MYO16: variants seen among roughly 807,000 people sequenced by gnomAD.
The protein encoded by MYO16 is myosin XVI, also known as unconventional myosin-XVI.
A neutral mutation model predicts 205.3 loss-of-function variants in MYO16; 94 were observed. That is an observed-to-expected ratio of 0.46 (90% confidence interval 0.39 to 0.54). The LOEUF (loss-of-function observed/expected upper bound fraction) is 0.54. Ranked by LOEUF, MYO16 falls within the 20% of genes least tolerant of loss-of-function variation. The probability of loss-of-function intolerance (pLI) is 0.00; values close to 1 mark genes in which losing one functional copy is unlikely to be tolerated. For synonymous variants in MYO16, 988 were observed against 954.0 expected, an observed-to-expected ratio of 1.04 and a Z score of -0.66; for missense variants, 2,315 against 2,387.5, an observed-to-expected ratio of 0.97 and a Z score of 0.63.
chr13:109,170,712 A>G (rs1156810414), intron 33 of MYO16, among the ~76,000 whole-genome samples: 1 of 152,122 alleles, frequency 6.6e-6, no homozygotes, highest in Non-Finnish European at 1.5e-5. Flanking sequence ...ATATCAAAAC[A>G]TAACCAAAAA....
chr13:108,659,396 C>T (rs1881397029), intron 1 of MYO16: 2 of 430,184 alleles, frequency 4.6e-6, no homozygotes, highest in Non-Finnish European at 9.3e-6. Flanking sequence ...CAGATATTTC[C>T]TGGCTTTCAA....
chr13:108,964,054 G>C lies in MYO16; in HGVS notation c.2228-707G>C, dbSNP rs9521112. 9.5e-3 allele frequency among the ~76,000 whole-genome samples: 1,443 copies of C among 152,226 alleles called. 12 individuals are homozygous for C. The highest frequency in any genetic ancestry group is 0.015 in the Non-Finnish European group (1,041 of 68,024). On this transcript the variant is annotated intron_variant, in intron 19 of 34. Coordinates refer to ENST00000457511, the MANE Select transcript of MYO16 (RefSeq NM_001198950.3). ...TCAACCCGCATTGCACGTGGACCCC[G>C]CCCTGTTCCTAGTCTCCTGCTCTGC...
the MYO16 span, among the ~76,000 whole-genome samples, chr13:108,574,814 C>T: frequency 6.6e-6 from 1 of 151,976 alleles, no homozygotes; most frequent in South Asian, 2.1e-4. Flanking sequence ...TTGTTAATCA[C>T]AACAGGGTCA....
upstream of MYO16, among the ~76,000 whole-genome samples, chr13:108,594,640 C>T (rs539426472): frequency 1.2e-4 from 18 of 152,314 alleles, no homozygotes; most frequent in East Asian, 3.1e-3. Context: ...TGCGGCACTT[C>T]GGTGCTGGAT....
chr13:109,018,604 G>A (rs1013512616), intron 22 of MYO16, among the ~76,000 whole-genome samples: 12 of 152,192 alleles, frequency 7.9e-5, no homozygotes, highest in African/African-American at 2.9e-4. Context: ...GCAAGGCTCT[G>A]TAGGCATTGG....
chr13:109,142,530 C>G lies in MYO16; in HGVS notation c.5164+1154C>G, dbSNP rs1489143391. On this transcript the variant is annotated intron_variant, in intron 32 of 34. Coordinates refer to ENST00000457511, the MANE Select transcript of MYO16 (RefSeq NM_001198950.3). ...AGTAACAAAAGGACCCAAGGCTACT[C>G]CCTCTGCAAACCCCCACCTTTTCTG... Among the ~76,000 whole-genome samples the G allele has an allele frequency of 2.6e-5, 4 of 152,178 alleles. No individual in the cohort carries two copies. In the East Asian group the frequency reaches 7.7e-4, roughly 29 times the overall value.
rs1425706501 is a variant in MYO16, at chr13:109,101,011, G to A, written c.3438+124G>A. 8.4e-6 allele frequency: 6 copies of A among 714,264 alleles called. No individual in the cohort carries two copies. The Admixed American group carries it at 9.2e-5, about 11-fold the overall frequency. 44.2% of individuals were successfully genotyped at this position (714,264 alleles called of 1,614,324 possible). ...ATTCCTTTGATGTGTTTGGCAAGGC[G>A]TGACATTAAGTGTATTCCCTGGAAA... is the stretch of plus-strand genomic sequence containing the variant. On this transcript the variant is annotated intron_variant, in intron 28 of 34. Coordinates refer to ENST00000457511, the MANE Select transcript of MYO16 (RefSeq NM_001198950.3).
At chr13:108,853,164 C>CT (rs1458357708) in intron 10 of MYO16, among the ~76,000 whole-genome samples, 4 of 152,228 alleles carry the variant, frequency 2.6e-5, no homozygotes, top group African/African-American at 9.6e-5. Context: ...TCTCTGAGAG[C>CT]TGTCAGTCTA....
chr13:109,180,429 A>G (rs1352200950), intron 34 of MYO16, among the ~76,000 whole-genome samples: 1 of 152,216 alleles, frequency 6.6e-6, no homozygotes, highest in African/African-American at 2.4e-5. Flanking sequence ...TTTGTTATCA[A>G]TATATTAACA....
chr13:108,677,335 G>GTATATA (rs747613453), intron 2 of MYO16, among the ~76,000 whole-genome samples: 1 of 87,478 alleles, frequency 1.1e-5, no homozygotes, highest in Admixed American at 1.1e-4. Flanking sequence ...GTGTGTGTGT[G>GTATATA]TATATATATA....
rs139196431 is a variant in MYO16 at position 108,668,858 on chromosome 13, C to A, written c.292+2709C>A. ...ATCTTGCATAGCCGCAGATGTAACT[C>A]CAGAGGGTGAAATCGGGACAGCCAA... On this transcript the variant is annotated intron_variant, in intron 2 of 34. Coordinates refer to ENST00000457511, the MANE Select transcript of MYO16 (RefSeq NM_001198950.3). Among the ~76,000 whole-genome samples the A allele has an allele frequency of 2.5e-3, 386 of 152,122 alleles. 11 individuals carry two copies. The East Asian group carries it at 0.059, about 23-fold the overall frequency.
At chr13:108,683,493 G>A (rs1022064319) in intron 2 of MYO16, among the ~76,000 whole-genome samples, 3 of 152,160 alleles carry the variant, frequency 2.0e-5, no homozygotes, top group Admixed American at 6.5e-5. Context: ...ATTTACAAGC[G>A]GGAAATCTGT....
chr13:108,977,991 C>T (rs1023339694), intron 20 of MYO16, among the ~76,000 whole-genome samples: 1 of 151,784 alleles, frequency 6.6e-6, no homozygotes, highest in African/African-American at 2.4e-5. Context: ...TTATTGTATT[C>T]CTTAAATAAT....
At chr13:109,189,907 AT>A (rs1389453808) in intron 34 of MYO16, among the ~76,000 whole-genome samples, 1 of 144,622 alleles carries the variant, frequency 6.9e-6, no homozygotes, top group Non-Finnish European at 1.5e-5. Context: ...CCCTACCACG[AT>A]TTGTGTTTTG....
At chr13:108,556,415 G>C in the MYO16 span, among the ~76,000 whole-genome samples, 1 of 151,998 alleles carries the variant, frequency 6.6e-6, no homozygotes, top group Non-Finnish European at 1.5e-5. Context: ...ATACCCGTTG[G>C]CCATTTGTAT....
At chr13:109,004,334 C>T (rs1457826591) in intron 21 of MYO16, among the ~76,000 whole-genome samples, 1 of 152,056 alleles carries the variant, frequency 6.6e-6, no homozygotes, top group South Asian at 2.1e-4. Context: ...AGTTTCTGTA[C>T]ATTTTCAGTA....
intron 28 of MYO16, among the ~76,000 whole-genome samples, chr13:109,116,062 A>G (rs1170054455): frequency 6.6e-6 from 1 of 152,246 alleles, no homozygotes; most frequent in Admixed American, 6.5e-5. Flanking sequence ...CAAATAAATT[A>G]TATAGTACAA....
At chr13:109,149,387 A>G (rs1363042789) in intron 32 of MYO16, among the ~76,000 whole-genome samples, 2 of 152,068 alleles carry the variant, frequency 1.3e-5, no homozygotes, top group Non-Finnish European at 2.9e-5. Context: ...TACCATCCCT[A>G]TTTATTAATG....
chr13:108,585,165 T>C, the MYO16 span, among the ~76,000 whole-genome samples: 1 of 152,186 alleles, frequency 6.6e-6, no homozygotes, highest in Non-Finnish European at 1.5e-5. Flanking sequence ...CGAGTGACCA[T>C]GGCCCGTGAC....
Sources: allele counts gnomAD v4.1 joint callset (sites outside exome capture counted in the v4.1 genomes callset), GRCh38; gene constraint gnomAD v4.1.1; transcripts MANE v1.5; gene names NCBI Gene and HGNC (gene_info 2026-07-23, HGNC 2026-07-21).